Variants in SGMS1 observed in about 807,000 individuals in gnomAD.
The protein encoded by SGMS1 is phosphatidylcholine:ceramide cholinephosphotransferase 1.
SGMS1 carries 13 observed loss-of-function variants against 46.2 expected under a neutral mutation model. The observed-to-expected ratio is 0.28, with a 90% confidence interval of 0.18 to 0.45. SGMS1 has a LOEUF of 0.45. Ranked by LOEUF, SGMS1 falls within the 20% of genes least tolerant of loss-of-function variation. The pLI, the probability that SGMS1 is intolerant of heterozygous loss-of-function variation, is 1.00. For missense variants in SGMS1, 324 were observed against 519.9 expected (o/e 0.62, Z 3.66); for synonymous variants, 203 against 187.8 (o/e 1.08, Z -0.66).
chr10:50,452,504 T>C (rs1008427809), intron 5 of SGMS1, among the ~76,000 whole-genome samples: 3 of 152,104 alleles, frequency 2.0e-5, no homozygotes, highest in Non-Finnish European at 4.4e-5. Context: ...ATGAAAATAA[T>C]TGAAGCATAA....
intron 5 of SGMS1, among the ~76,000 whole-genome samples, chr10:50,450,163 A>G (rs950267618): frequency 6.6e-6 from 1 of 152,218 alleles, no homozygotes; most frequent in African/African-American, 2.4e-5. Flanking sequence ...AAGAAGAAAT[A>G]ATTTCTATAA....
intron 2 of SGMS1, among the ~76,000 whole-genome samples, chr10:50,559,822 C>T (rs543936115): frequency 6.6e-6 from 1 of 152,180 alleles, no homozygotes; most frequent in African/African-American, 2.4e-5. Flanking sequence ...AAAACAAAAT[C>T]CATTCCCTTC....
At chr10:50,365,779 T>C (rs1290162836) in intron 6 of SGMS1, among the ~76,000 whole-genome samples, 1 of 152,236 alleles carries the variant, frequency 6.6e-6, no homozygotes, top group African/African-American at 2.4e-5. Context: ...TTATTATGGC[T>C]GCATAGTATT....
chr10:50,573,450 G>T (rs1203818142), intron 2 of SGMS1, among the ~76,000 whole-genome samples: 5 of 152,020 alleles, frequency 3.3e-5, no homozygotes, highest in Non-Finnish European at 5.9e-5. Context: ...GCACCAAATA[G>T]AATAAAATAC....
chr10:50,479,777 T>TA (rs1474278152), intron 3 of SGMS1, among the ~76,000 whole-genome samples: 3 of 152,118 alleles, frequency 2.0e-5, no homozygotes, highest in African/African-American at 7.2e-5. Flanking sequence ...TGTATATATA[T>TA]TTTTTATATA....
chr10:50,330,540 A>T (rs1847607238), intron 7 of SGMS1, among the ~76,000 whole-genome samples: 1 of 152,194 alleles, frequency 6.6e-6, no homozygotes, highest in Non-Finnish European at 1.5e-5. Context: ...GGAAAGTAAA[A>T]CTAAAATACT....
intron 3 of SGMS1, among the ~76,000 whole-genome samples, chr10:50,492,319 G>C (rs567327948): frequency 7.8e-4 from 119 of 152,292 alleles, no homozygotes; most frequent in Admixed American, 2.5e-3. Context: ...TCTGGCCATG[G>C]CAATCAGGCA....
chr10:50,520,339 G>A (rs991786083), intron 2 of SGMS1, among the ~76,000 whole-genome samples: 45 of 151,976 alleles, frequency 3.0e-4, no homozygotes, highest in Admixed American at 2.4e-3. Flanking sequence ...GCAGTGCGCC[G>A]TGATTGCACT....
At chr10:50,417,722 C>G (rs1341077200) in intron 6 of SGMS1, among the ~76,000 whole-genome samples, 4 of 152,102 alleles carry the variant, frequency 2.6e-5, no homozygotes, top group African/African-American at 9.7e-5. Flanking sequence ...AGACACAATC[C>G]CGTTCTCTCA....
At chr10:50,326,920 C>T (rs1328704808) in intron 8 of SGMS1, among the ~76,000 whole-genome samples, 1 of 152,064 alleles carries the variant, frequency 6.6e-6, no homozygotes, top group South Asian at 2.1e-4. Context: ...CTTCTGGATG[C>T]GTGTCAAAGA....
chr10:50,579,665 T>A (rs1390429579), intron 2 of SGMS1, among the ~76,000 whole-genome samples: 1 of 152,194 alleles, frequency 6.6e-6, no homozygotes, highest in Non-Finnish European at 1.5e-5. Context: ...TAAACGTGAA[T>A]GTGACAGTCT....
chr10:50,577,277 G>C (rs1469581888), intron 2 of SGMS1, among the ~76,000 whole-genome samples: 1 of 152,130 alleles, frequency 6.6e-6, no homozygotes, highest in Non-Finnish European at 1.5e-5. Flanking sequence ...GTCATCTTCT[G>C]CATGGTTCCC....
intron 5 of SGMS1, among the ~76,000 whole-genome samples, chr10:50,445,354 C>G (rs1836997771): frequency 6.6e-6 from 1 of 152,088 alleles, no homozygotes; most frequent in Non-Finnish European, 1.5e-5. Context: ...TAATATACTT[C>G]TAAGAACACA....
chr10:50,589,966 G>T (rs1838524950), intron 2 of SGMS1, among the ~76,000 whole-genome samples, 187 bp downstream of exon 2: 1 of 152,152 alleles, frequency 6.6e-6, no homozygotes, highest in South Asian at 2.1e-4. Flanking sequence ...CATAATATCT[G>T]CAACTTCTAC....
At chr10:50,562,432 T>TC (rs1838248404) in intron 2 of SGMS1, among the ~76,000 whole-genome samples, 2 of 151,282 alleles carry the variant, frequency 1.3e-5, no homozygotes, top group African/African-American at 4.9e-5. Flanking sequence ...ACAATCACCT[T>TC]CCCCCCACCA....
chr10:50,423,208 C>T (rs1272266947), intron 6 of SGMS1, among the ~76,000 whole-genome samples: 1 of 152,218 alleles, frequency 6.6e-6, no homozygotes, highest in African/African-American at 2.4e-5. Context: ...ATCAGCTCAA[C>T]ACGAATTGCA....
intron 2 of SGMS1, among the ~76,000 whole-genome samples, chr10:50,537,454 GAT>G (rs71457579): frequency 6.8e-6 from 1 of 147,266 alleles, no homozygotes; most frequent in African/African-American, 2.5e-5. Flanking sequence ...TATATATATA[GAT>G]ATATATATAT....
At chr10:50,455,800 C>A (rs917899993) in intron 5 of SGMS1, among the ~76,000 whole-genome samples, 1 of 152,176 alleles carries the variant, frequency 6.6e-6, no homozygotes, top group African/African-American at 2.4e-5. Context: ...ACTGGGTAAT[C>A]CACATGAACG....
At chr10:50,536,447 G>C (rs574605672) in intron 2 of SGMS1, among the ~76,000 whole-genome samples, 68 of 152,252 alleles carry the variant, frequency 4.5e-4, no homozygotes, top group Non-Finnish European at 8.1e-4. Context: ...TAAATGATTA[G>C]AACTACCAGG....
Sources: gnomAD v4.1 joint callset for allele counts (sites outside exome capture counted in the v4.1 genomes callset) on GRCh38, gnomAD v4.1.1 for gene constraint, MANE v1.5 for transcripts, NCBI Gene and HGNC (gene_info 2026-07-23, HGNC 2026-07-21) for gene names.